UNC79: variants seen among roughly 807,000 people sequenced by gnomAD.
UNC79 encodes the protein protein unc-79 homolog.
UNC79 carries 37 observed loss-of-function variants against 283.1 expected under a neutral mutation model. The ratio of observed to expected loss-of-function variants is 0.13; its 90% confidence interval spans 0.10 to 0.17. UNC79 has a LOEUF of 0.17. Among genes scored for constraint, UNC79 ranks in the 10% least tolerant of loss-of-function variants. UNC79 has a pLI of 1.00. For synonymous variants in UNC79, 1,107 were observed against 1,200.2 expected (o/e 0.92, Z 1.61); for missense variants, 2,272 against 3,211.1 (o/e 0.71, Z 7.07).
chr14:93,333,884 A>T (rs1048815383), intron 1 of UNC79, among the ~76,000 whole-genome samples: 6 of 152,228 alleles, frequency 3.9e-5, no homozygotes, highest in African/African-American at 1.4e-4. Context: ...CAGGCTCAGA[A>T]ATACTAACAA....
chr14:93,382,572 A>AT (rs997580697), intron 1 of UNC79, among the ~76,000 whole-genome samples: 10 of 152,198 alleles, frequency 6.6e-5, no homozygotes, highest in African/African-American at 2.4e-4. Flanking sequence ...TTTTTGCATA[A>AT]TTTTTTTATT....
chr14:93,375,490 T>C (rs2054536780), intron 1 of UNC79, among the ~76,000 whole-genome samples: 1 of 152,214 alleles, frequency 6.6e-6, no homozygotes, highest in Admixed American at 6.5e-5. Flanking sequence ...ATAGGTGTAT[T>C]AGTCCATTCT....
At chr14:93,497,856 C>T (rs1484049935) in intron 7 of UNC79, among the ~76,000 whole-genome samples, 1 of 151,806 alleles carries the variant, frequency 6.6e-6, no homozygotes, top group Non-Finnish European at 1.5e-5. Flanking sequence ...CGTGGTGGTG[C>T]ACGACTGTAG....
intron 1 of UNC79, among the ~76,000 whole-genome samples, chr14:93,432,797 G>C (rs2055928405): frequency 6.6e-6 from 1 of 151,946 alleles, no homozygotes; most frequent in Non-Finnish European, 1.5e-5. Flanking sequence ...GGTTTTTAAA[G>C]GAAAAAACAC....
Position 93,690,562 on chromosome 14 carries a change from G to A in UNC79, c.7272+259G>A, listed in dbSNP as rs1039857711. The A allele has an allele frequency of 2.6e-6, 1 of 390,954 alleles. No individual in the cohort carries two copies. The highest frequency in any genetic ancestry group is 2.1e-5 in the African/African-American group (1 of 48,392). 24.2% of individuals were successfully genotyped at this position (390,954 alleles called of 1,614,324 possible). A position where few individuals can be genotyped will look rare whatever the true frequency, so the allele number is the denominator to read the frequency against. On this transcript the variant is annotated intron_variant, in intron 45 of 48. Transcript: ENST00000555664. The surrounding 1 kb of genome is among the most constrained non-coding windows in gnomAD (Gnocchi z 4.3). Reference sequence around the variant, plus strand: ...AGTCAAGCAAGAGTTGGCTTCCCAGGCATTTCTGTCTCAAAATAATGAAGA... The same window carrying A: ...AGTCAAGCAAGAGTTGGCTTCCCAGACATTTCTGTCTCAAAATAATGAAGA...
chr14:93,387,367 A>G (rs942933342), intron 1 of UNC79, among the ~76,000 whole-genome samples: 3 of 151,902 alleles, frequency 2.0e-5, no homozygotes, highest in African/African-American at 7.3e-5. Flanking sequence ...TTTCAATGTA[A>G]ACATGTATAG....
chr14:93,475,875 C>G (rs568129785), intron 3 of UNC79, among the ~76,000 whole-genome samples: 1 of 152,278 alleles, frequency 6.6e-6, no homozygotes, highest in African/African-American at 2.4e-5. Context: ...TGCTCTTGTA[C>G]CTGCGGCTGT....
chr14:93,524,461 A>C (rs1429465182), intron 8 of UNC79, among the ~76,000 whole-genome samples: 1 of 152,238 alleles, frequency 6.6e-6, no homozygotes, highest in African/African-American at 2.4e-5. Flanking sequence ...TTTTTAGCTC[A>C]TATTACAAAT....
chr14:93,410,537 C>T (rs1387541287), intron 1 of UNC79, among the ~76,000 whole-genome samples: 2 of 152,134 alleles, frequency 1.3e-5, no homozygotes, highest in Non-Finnish European at 2.9e-5. Flanking sequence ...CAGCTCATGG[C>T]TTCAAAAGAG....
chr14:93,654,681 C>T (rs891879126), intron 37 of UNC79, among the ~76,000 whole-genome samples: 7 of 151,898 alleles, frequency 4.6e-5, no homozygotes, highest in South Asian at 2.1e-4. Context: ...TTGGACATTG[C>T]GGCTTTGCGT....
At chr14:93,350,286 G>T (rs980756343) in intron 1 of UNC79, among the ~76,000 whole-genome samples, 2 of 151,728 alleles carry the variant, frequency 1.3e-5, no homozygotes, top group Admixed American at 6.6e-5. Context: ...AGTTAAAAAA[G>T]GTAAAAAGAA....
At chr14:93,425,376 A>G (rs1369629219), upstream of UNC79, among the ~76,000 whole-genome samples, 18 of 152,232 alleles carry the variant, frequency 1.2e-4, no homozygotes, top group Admixed American at 1.2e-3. Context: ...GGGAATTACA[A>G]TTCAAGATTA....
chr14:93,338,427 T>C (rs2053628516), intron 1 of UNC79, among the ~76,000 whole-genome samples: 1 of 152,118 alleles, frequency 6.6e-6, no homozygotes, highest in South Asian at 2.1e-4. Flanking sequence ...TTAAAATAGA[T>C]TACCCAGACT....
intron 35 of UNC79, among the ~76,000 whole-genome samples, chr14:93,653,325 A>ATATG (rs1555391905): frequency 1.3e-5 from 2 of 148,486 alleles, no homozygotes; most frequent in Admixed American, 6.7e-5. Context: ...CTCACTGCAT[A>ATATG]TATATATATA....
At chr14:93,347,772 T>G (rs2053892170) in intron 1 of UNC79, among the ~76,000 whole-genome samples, 1 of 151,628 alleles carries the variant, frequency 6.6e-6, no homozygotes. Flanking sequence ...TTCGATAAAA[T>G]GGTGGAAATC....
chr14:93,636,921 G>A (rs1302394667), intron 31 of UNC79, among the ~76,000 whole-genome samples: 1 of 152,166 alleles, frequency 6.6e-6, no homozygotes, highest in Non-Finnish European at 1.5e-5. Flanking sequence ...CCTATCTGGA[G>A]ATATGAGATT....
At chr14:93,673,722 C>T (rs980522334) in intron 41 of UNC79, among the ~76,000 whole-genome samples, 2 of 152,020 alleles carry the variant, frequency 1.3e-5, no homozygotes, top group Admixed American at 1.3e-4. Context: ...TAATTTTTGT[C>T]CCCAAGAAAT....
intron 22 of UNC79, among the ~76,000 whole-genome samples, chr14:93,589,823 A>G (rs2064523891): frequency 6.6e-6 from 1 of 152,104 alleles, no homozygotes; most frequent in African/African-American, 2.4e-5. Flanking sequence ...AGCATGTCGG[A>G]AAATAGAGGT....
chr14:93,353,253 G>A (rs2054015151), intron 1 of UNC79, among the ~76,000 whole-genome samples: 1 of 152,072 alleles, frequency 6.6e-6, no homozygotes, highest in Non-Finnish European at 1.5e-5. Flanking sequence ...GCCCAGGCTG[G>A]AGTGCAGTGG....
Sources: allele counts gnomAD v4.1 joint callset (sites outside exome capture counted in the v4.1 genomes callset), GRCh38; gene constraint gnomAD v4.1.1; non-coding constraint Gnocchi (gnomAD v3.1); transcripts MANE v1.5; gene names NCBI Gene and HGNC (gene_info 2026-07-23, HGNC 2026-07-21).